Variants in SPIN1 observed in about 807,000 individuals in gnomAD.
SPIN1 encodes spindlin 1.
A neutral mutation model predicts 26.0 loss-of-function variants in SPIN1; 3 were observed. The observed-to-expected ratio is 0.12, with a 90% confidence interval of 0.05 to 0.30. The LOEUF is 0.30. Ranked by LOEUF, SPIN1 falls within the 10% of genes least tolerant of loss-of-function variation. The pLI is 1.00. For synonymous variants in SPIN1, 101 were observed against 116.5 expected (o/e 0.87, Z 0.86); for missense variants, 126 against 333.4 (o/e 0.38, Z 4.84).
chr9:88,398,666 C>T (rs973928381), intron 1 of SPIN1, among the ~76,000 whole-genome samples: 5 of 152,204 alleles, frequency 3.3e-5, no homozygotes, highest in Admixed American at 6.6e-5. Context: ...ACCTCCGCCT[C>T]GTGGGATCAA....
rs1445048752 is a variant in SPIN1, at chr9:88,468,391, T to C, written c.375T>C (p.Asp125=). The C allele has an allele frequency of 6.3e-7, 1 of 1,591,750 alleles. No homozygotes were observed. Among genetic ancestry groups the C allele is most frequent in the East Asian group, 2.3e-5 (1 of 44,022 alleles). ...CCCCAGCGACATCTCGAATCAGCGATGCACACTTGGCAGACACAATGATTG... is the reference window on the plus strand; with the variant it reads ...CCCCAGCGACATCTCGAATCAGCGACGCACACTTGGCAGACACAATGATTG... ...PDRVATSRIS[D]AHLADTMIGK... Residue 125 remains aspartate (D), a synonymous_variant, in exon 5 of 6, where the codon GAT becomes GAC. Coordinates refer to ENST00000375859, the MANE Select transcript of SPIN1 (RefSeq NM_006717.3).
intron 3 of SPIN1, among the ~76,000 whole-genome samples, chr9:88,453,105 TTTTCC>T (rs1828396139): frequency 6.6e-6 from 1 of 152,096 alleles, no homozygotes; most frequent in African/African-American, 2.4e-5. Context: ...TGAAAGGTCG[TTTTCC>T]TTTCCTTTCC....
intron 1 of SPIN1, among the ~76,000 whole-genome samples, chr9:88,414,854 A>G (rs1231447743): frequency 6.6e-6 from 1 of 152,136 alleles, no homozygotes; most frequent in Non-Finnish European, 1.5e-5. Flanking sequence ...CACGTATTAC[A>G]CTTGTATTAA....
At chr9:88,398,971 A>G (rs1827128094) in intron 1 of SPIN1, among the ~76,000 whole-genome samples, 1 of 151,884 alleles carries the variant, frequency 6.6e-6, no homozygotes, top group African/African-American at 2.4e-5. Context: ...ATGTGTGTGT[A>G]TGTATTAAGG....
chr9:88,410,822 A>C lies in SPIN1; in HGVS notation c.-158-15560A>C. ...CCACTGAAGTTTCCTCCACTACCAG[A>C]GTTGTCATTCCCACTGAAACCACCT... On this transcript the variant is annotated intron_variant, in intron 1 of 5. Coordinates refer to ENST00000375859, the MANE Select transcript of SPIN1 (RefSeq NM_006717.3). 3 of 929,936 alleles carry C rather than the reference A, an allele frequency of 3.2e-6. No individual in the cohort carries two copies. In the Admixed American group the frequency reaches 5.1e-5, roughly 16 times the overall value. The allele number at this position is 929,936 out of a possible 1,614,324, so 57.6% of individuals were successfully genotyped here.
intron 2 of SPIN1, among the ~76,000 whole-genome samples, chr9:88,427,584 C>T (rs1421703278): frequency 3.3e-5 from 5 of 151,022 alleles, no homozygotes; most frequent in African/African-American, 9.7e-5. Flanking sequence ...AAAAACGGGA[C>T]TTTTTTTTTC....
intron 1 of SPIN1, among the ~76,000 whole-genome samples, chr9:88,414,030 C>CAGAA (rs773145297): frequency 7.1e-6 from 1 of 141,772 alleles, no homozygotes; most frequent in African/African-American, 2.5e-5. Context: ...TTTATTATAG[C>CAGAA]AAAAAAAAAA....
intron 2 of SPIN1, among the ~76,000 whole-genome samples, chr9:88,442,746 G>A (rs900822814): frequency 2.0e-5 from 3 of 151,826 alleles, no homozygotes; most frequent in Non-Finnish European, 4.4e-5. Flanking sequence ...CTTTGGTGTA[G>A]TTTTTTTCTG....
At chr9:88,422,462 A>C (rs1167392730) in intron 1 of SPIN1, among the ~76,000 whole-genome samples, 1 of 152,312 alleles carries the variant, frequency 6.6e-6, no homozygotes, top group African/African-American at 2.4e-5. Flanking sequence ...GATTTGTTTT[A>C]GAAAAGCTCT....
intron 3 of SPIN1, among the ~76,000 whole-genome samples, chr9:88,450,810 G>A (rs1295057272): frequency 6.6e-6 from 1 of 152,164 alleles, no homozygotes; most frequent in Non-Finnish European, 1.5e-5. Flanking sequence ...AGAAGGAAAG[G>A]CTGAAACAGA....
chr9:88,395,223 G>C (rs1169676708), intron 1 of SPIN1, among the ~76,000 whole-genome samples: 1 of 151,958 alleles, frequency 6.6e-6, no homozygotes, highest in East Asian at 1.9e-4. Flanking sequence ...GTTCCTCCAC[G>C]AATTTCTCTC....
At chr9:88,392,930 A>C (rs1400793290) in intron 1 of SPIN1, among the ~76,000 whole-genome samples, 2 of 152,010 alleles carry the variant, frequency 1.3e-5, no homozygotes, top group Non-Finnish European at 2.9e-5. Context: ...GTTGGTGTTG[A>C]ATTTGTAGGC....
At chr9:88,446,407 T>A (rs1828251130) in intron 2 of SPIN1, among the ~76,000 whole-genome samples, 2 of 121,464 alleles carry the variant, frequency 1.6e-5, no homozygotes, top group Admixed American at 7.1e-5. Context: ...GTTGGTTTGC[T>A]GTTTTTTTTT....
At chr9:88,458,090 G>A (rs1053342135) in intron 3 of SPIN1, 2 of 685,062 alleles carry the variant, frequency 2.9e-6, no homozygotes, top group Non-Finnish European at 3.6e-6. Flanking sequence ...GAAAGTTTAG[G>A]TATAATATAT....
At chr9:88,449,197 T>A (rs1828310432) in intron 3 of SPIN1, among the ~76,000 whole-genome samples, 1 of 151,902 alleles carries the variant, frequency 6.6e-6, no homozygotes, top group African/African-American at 2.4e-5. Context: ...GGTCTACCCT[T>A]CAGCCTTTAA....
At chr9:88,402,476 C>T (rs1299887581) in intron 1 of SPIN1, among the ~76,000 whole-genome samples, 1 of 151,776 alleles carries the variant, frequency 6.6e-6, no homozygotes, top group African/African-American at 2.4e-5. Flanking sequence ...GCCTCTGATA[C>T]CTGTTATTGT....
chr9:88,435,344 C>T (rs1399760299), intron 2 of SPIN1, among the ~76,000 whole-genome samples: 2 of 151,770 alleles, frequency 1.3e-5, no homozygotes, highest in African/African-American at 2.4e-5. Flanking sequence ...GCCTCTAAGT[C>T]GCTGGGACTA....
At chr9:88,406,981 A>T (rs1056364762) in intron 1 of SPIN1, among the ~76,000 whole-genome samples, 1 of 151,962 alleles carries the variant, frequency 6.6e-6, no homozygotes, top group African/African-American at 2.4e-5. Flanking sequence ...AGATTTACCC[A>T]CAAAATTTAT....
At chr9:88,428,023 A>G (rs1020537097) in intron 2 of SPIN1, among the ~76,000 whole-genome samples, 28 of 152,084 alleles carry the variant, frequency 1.8e-4, no homozygotes, top group Non-Finnish European at 2.9e-5. Context: ...AGAATAAGAT[A>G]TTTTTATTTC....
Sources: allele counts gnomAD v4.1 joint callset (sites outside exome capture counted in the v4.1 genomes callset), GRCh38; gene constraint gnomAD v4.1.1; transcripts MANE v1.5; gene names NCBI Gene and HGNC (gene_info 2026-07-23, HGNC 2026-07-21).